TXNDC16: variants seen among roughly 807,000 people sequenced by gnomAD.
TXNDC16 encodes thioredoxin domain-containing protein 16.
Under a neutral mutation model 85.6 loss-of-function variants are expected in TXNDC16, and 74 were observed. The ratio of observed to expected loss-of-function variants is 0.86; its 90% CI spans 0.72 to 1.05. TXNDC16 has a LOEUF of 1.05. TXNDC16 is among the 50% of genes least tolerant of loss of function. TXNDC16 has a pLI of 0.00. For missense variants in TXNDC16, 959 were observed against 947.0 expected, an observed-to-expected ratio of 1.01 and a Z score of -0.17; for synonymous variants, 335 against 326.5, an observed-to-expected ratio of 1.03 and a Z score of -0.28.
At chr14:52,440,141 C>T (rs1264589571) in intron 19 of TXNDC16, among the ~76,000 whole-genome samples, 1 of 152,118 alleles carries the variant, frequency 6.6e-6, no homozygotes, top group African/African-American at 2.4e-5. Context: ...ATTTTGTTCA[C>T]AGACATTAAA....
rs751707204 is a variant in TXNDC16 at position 52,543,488 on chromosome 14, T to C, written c.70A>G (p.Thr24Ala). Reference sequence around the variant, plus strand: ...CTCAGTTCTGGTAAAGAGTTTACTGTTGGCATGTAAAAAATGCACATTATG... The same window carrying C: ...CTCAGTTCTGGTAAAGAGTTTACTGCTGGCATGTAAAAAATGCACATTATG... ...FVIMCIFYMP[T>A]VNSLPELSPQ... The change falls in exon 3 of 21, where the codon ACA becomes GCA. Residue 24 changes from threonine (T) to alanine (A), a missense_variant. Transcript: ENST00000281741. The C allele has an allele frequency of 1.1e-5, 17 of 1,613,676 alleles. No individual in the cohort carries two copies. The highest frequency in any genetic ancestry group is 5.3e-5 in the African/African-American group (4 of 74,918).
At chr14:52,463,791 A>G (rs1333960897) in intron 16 of TXNDC16, among the ~76,000 whole-genome samples, 1 of 152,260 alleles carries the variant, frequency 6.6e-6, no homozygotes, top group African/African-American at 2.4e-5. Context: ...GTTAGCTTTT[A>G]TTAACAAAAC....
intron 6 of TXNDC16, among the ~76,000 whole-genome samples, chr14:52,530,823 C>T (rs1461024300): frequency 1.3e-5 from 2 of 149,738 alleles, no homozygotes; most frequent in African/African-American, 4.9e-5. Context: ...ATAAAATCTC[C>T]AGTAATAAAT....
intron 18 of TXNDC16, among the ~76,000 whole-genome samples, chr14:52,444,376 G>A (rs1165065072): frequency 6.6e-6 from 1 of 152,078 alleles, no homozygotes; most frequent in Non-Finnish European, 1.5e-5. Context: ...GTGTATTTCA[G>A]ATTTAAGCAT....
intron 10 of TXNDC16, 43 bp downstream of exon 10, chr14:52,490,796 T>A (rs767884760): frequency 1.3e-6 from 2 of 1,575,344 alleles, no homozygotes; most frequent in South Asian, 2.4e-5. Context: ...TGGAAACTAT[T>A]AGCGTTTTGC....
intron 1 of TXNDC16, among the ~76,000 whole-genome samples, chr14:52,548,286 G>A (rs2037979550): frequency 1.3e-5 from 2 of 152,196 alleles, no homozygotes; most frequent in Non-Finnish European, 1.5e-5. Context: ...GTGAGCAAGG[G>A]CCTTGAGCTT....
chr14:52,444,616 T>C (rs1346333672), intron 18 of TXNDC16, among the ~76,000 whole-genome samples: 1 of 152,162 alleles, frequency 6.6e-6, no homozygotes, highest in Non-Finnish European at 1.5e-5. Flanking sequence ...TTGTTGTTAC[T>C]GTAAACAGAT....
At chr14:52,435,253 CT>C (rs5808677) in intron 20 of TXNDC16, among the ~76,000 whole-genome samples, 1,723 of 120,220 alleles carry the variant, frequency 0.014, 29 homozygotes, top group African/African-American at 0.044. Context: ...AACATGTCTG[CT>C]TTTTTTTTTT....
Position 52,516,403 on chromosome 14 carries a change from G to A in TXNDC16, c.515-1433C>T, listed in dbSNP as rs545875871. On this transcript the variant is annotated intron_variant, in intron 7 of 20. Transcript: ENST00000281741. ...ATTTCCCATTTCCCCTGAGAATTCC[G>A]AAAACACTGCTCCATTTCCTTCCAT... Among the ~76,000 whole-genome samples, 17 of 152,266 alleles carry A rather than the reference G, an allele frequency of 1.1e-4. No individual in the cohort carries two copies. The South Asian group carries it at 2.3e-3, about 20-fold the overall frequency.
intron 20 of TXNDC16, among the ~76,000 whole-genome samples, chr14:52,438,317 G>C (rs144906277): frequency 4.3e-4 from 65 of 152,298 alleles, no homozygotes; most frequent in African/African-American, 1.5e-3. Context: ...TTTGTGAAAA[G>C]AAAGGTCAAT....
At chr14:52,520,098 G>C (rs1594749638) in intron 6 of TXNDC16, among the ~76,000 whole-genome samples, 1 of 152,074 alleles carries the variant, frequency 6.6e-6, no homozygotes, top group African/African-American at 2.4e-5. Context: ...AAAAAGTAGG[G>C]CAGGAATTTT....
chr14:52,499,874 T>C (rs1166952404), intron 9 of TXNDC16, among the ~76,000 whole-genome samples: 2 of 152,170 alleles, frequency 1.3e-5, no homozygotes, highest in Non-Finnish European at 2.9e-5. Flanking sequence ...AAATCATCTC[T>C]AGATTATTTA....
intron 14 of TXNDC16, among the ~76,000 whole-genome samples, chr14:52,475,328 C>T (rs1022073867): frequency 5.3e-5 from 8 of 152,058 alleles, no homozygotes; most frequent in African/African-American, 2.4e-5. Context: ...GGCCAGAACT[C>T]GGGGGAGGGC....
At chr14:52,492,499 C>T (rs1417731763) in intron 9 of TXNDC16, among the ~76,000 whole-genome samples, 4 of 152,174 alleles carry the variant, frequency 2.6e-5, no homozygotes, top group Non-Finnish European at 5.9e-5. Context: ...CAAGACTCAA[C>T]CACACTTCTT....
At chr14:52,489,007 A>T (rs1260681061) in intron 11 of TXNDC16, among the ~76,000 whole-genome samples, 1 of 152,176 alleles carries the variant, frequency 6.6e-6, no homozygotes, top group Admixed American at 6.5e-5. Flanking sequence ...GTGGCAAAAA[A>T]GGTGCTGAAA....
chr14:52,480,615 A>C (rs2036122123), intron 14 of TXNDC16, among the ~76,000 whole-genome samples: 1 of 152,136 alleles, frequency 6.6e-6, no homozygotes. Flanking sequence ...TCAAAAACAC[A>C]ATGAGATATC....
intron 20 of TXNDC16, among the ~76,000 whole-genome samples, chr14:52,433,049 A>C (rs945749555): frequency 6.6e-6 from 1 of 152,176 alleles, no homozygotes; most frequent in African/African-American, 2.4e-5. Flanking sequence ...TTTATTATAG[A>C]GTTATTTATA....
intron 9 of TXNDC16, among the ~76,000 whole-genome samples, chr14:52,505,738 G>GGA (rs1377047515): frequency 4.6e-5 from 7 of 151,996 alleles, no homozygotes; most frequent in Non-Finnish European, 7.4e-5. Context: ...CAGAACTGAA[G>GGA]GAGAGAGACA....
chr14:52,545,033 C>T (rs1214987509), intron 1 of TXNDC16, among the ~76,000 whole-genome samples: 2 of 152,064 alleles, frequency 1.3e-5, no homozygotes, highest in African/African-American at 2.4e-5. Context: ...AAAATGCATG[C>T]ATTTCTGAGG....
Sources: gnomAD v4.1 joint callset for allele counts (sites outside exome capture counted in the v4.1 genomes callset) on GRCh38, gnomAD v4.1.1 for gene constraint, MANE v1.5 for transcripts, NCBI Gene and HGNC (gene_info 2026-07-23, HGNC 2026-07-21) for gene names.